Variants in DAB1 observed in about 807,000 individuals in gnomAD.
DAB1 encodes the protein disabled homolog 1.
Under a neutral mutation model 64.6 loss-of-function variants are expected in DAB1, and 15 were observed. The observed-to-expected ratio is 0.23, with a 90% CI of 0.16 to 0.36. The LOEUF (loss-of-function observed/expected upper bound fraction) is 0.36. DAB1 is among the 10% of genes least tolerant of loss of function. The pLI is 1.00. For missense variants in DAB1, 596 were observed against 706.7 expected (o/e 0.84, Z 1.78); for synonymous variants, 235 against 251.9 (o/e 0.93, Z 0.64).
At chr1:58,267,578 T>C (rs895347693) in intron 4 of DAB1, among the ~76,000 whole-genome samples, 2 of 152,010 alleles carry the variant, frequency 1.3e-5, no homozygotes, top group Admixed American at 6.6e-5. Flanking sequence ...GATAGAGGAG[T>C]CAGAACTAGG....
chr1:57,953,117 T>C (rs1313266665), intron 5 of DAB1, among the ~76,000 whole-genome samples: 1 of 152,220 alleles, frequency 6.6e-6, no homozygotes, highest in African/African-American at 2.4e-5. Context: ...ATTTCTATTT[T>C]TGTCTTTGCA....
intron 5 of DAB1, among the ~76,000 whole-genome samples, chr1:58,103,969 A>G (rs1175072171): frequency 1.3e-5 from 2 of 152,150 alleles, no homozygotes; most frequent in Non-Finnish European, 2.9e-5. Context: ...CCCTCCTCAC[A>G]TCCCAGGTCA....
intron 1 of DAB1, among the ~76,000 whole-genome samples, chr1:57,406,558 C>A (rs1026611960): frequency 1.3e-5 from 2 of 152,180 alleles, no homozygotes; most frequent in African/African-American, 4.8e-5. Flanking sequence ...TCACATAAAT[C>A]ATTACTCCTT....
Position 58,162,922 on chromosome 1 carries a change from T to A in DAB1, n.310-12334A>T, listed in dbSNP as rs1401486245. Among the ~76,000 whole-genome samples, 3 of 152,172 alleles carry A rather than the reference T, an allele frequency of 2.0e-5. No individual in the cohort carries two copies. In the East Asian group the frequency reaches 5.8e-4, roughly 29 times the overall value. On this transcript the variant is annotated intron_variant and non_coding_transcript_variant, in intron 4 of 20. Transcript: ENST00000485760. Reference sequence around the variant, plus strand: ...GCCCTCCAGGGAACATTTGGCAATGTCTGAAGACAGTCTTAATTGTCACAA... The same window carrying A: ...GCCCTCCAGGGAACATTTGGCAATGACTGAAGACAGTCTTAATTGTCACAA...
At chr1:57,680,092 T>C (rs78310794) in intron 6 of DAB1, among the ~76,000 whole-genome samples, 1 of 152,324 alleles carries the variant, frequency 6.6e-6, no homozygotes, top group African/African-American at 2.4e-5. Flanking sequence ...GCAATTACGG[T>C]CTTACAGTTT....
At chr1:58,056,587 C>T in intron 5 of DAB1, 1 of 706,914 alleles carries the variant, frequency 1.4e-6, no homozygotes, top group South Asian at 1.5e-5. Context: ...CAGGCTCTGC[C>T]TTCTCATCAA....
At chr1:57,956,051 T>C (rs1645385239) in intron 5 of DAB1, among the ~76,000 whole-genome samples, 1 of 152,146 alleles carries the variant, frequency 6.6e-6, no homozygotes, top group Non-Finnish European at 1.5e-5. Context: ...TCTTGCTCAG[T>C]TGAGCAGTAT....
At chr1:57,665,093 G>T (rs1053591060) in intron 6 of DAB1, among the ~76,000 whole-genome samples, 6 of 151,840 alleles carry the variant, frequency 4.0e-5, no homozygotes, top group South Asian at 2.1e-4. Context: ...TTCTGAAAAA[G>T]CATATTTGTA....
At chr1:58,223,443 C>G (rs1176902782) in intron 4 of DAB1, among the ~76,000 whole-genome samples, 1 of 152,176 alleles carries the variant, frequency 6.6e-6, no homozygotes, top group Non-Finnish European at 1.5e-5. Flanking sequence ...GGCTAAGCAA[C>G]AAATTCTTCC....
At chr1:57,522,291 TCTCTCACC>T (rs1297234030) in intron 7 of DAB1, among the ~76,000 whole-genome samples, 1 of 152,086 alleles carries the variant, frequency 6.6e-6, no homozygotes, top group Non-Finnish European at 1.5e-5. Flanking sequence ...TGACCAGTAC[TCTCTCACC>T]CTTTAGGAGA....
chr1:58,381,174 A>G (rs1283525063), intron 3 of DAB1, among the ~76,000 whole-genome samples: 4 of 152,226 alleles, frequency 2.6e-5, no homozygotes, highest in Admixed American at 6.5e-5. Flanking sequence ...GAGAGCTTCA[A>G]GAAGAATAGC....
chr1:58,139,069 C>T (rs552731832), intron 5 of DAB1, among the ~76,000 whole-genome samples: 2 of 152,236 alleles, frequency 1.3e-5, no homozygotes, highest in South Asian at 2.1e-4. Flanking sequence ...TTCATGAGAT[C>T]TCAGCCAGTA....
At chr1:57,664,369 AT>A (rs1274705221) in intron 6 of DAB1, among the ~76,000 whole-genome samples, 1 of 152,184 alleles carries the variant, frequency 6.6e-6, no homozygotes, top group African/African-American at 2.4e-5. Flanking sequence ...AAATTGTGAG[AT>A]ATCTGCTCTG....
intron 6 of DAB1, among the ~76,000 whole-genome samples, chr1:57,798,209 A>C (rs1650959993): frequency 6.6e-6 from 1 of 152,176 alleles, no homozygotes. Context: ...ACTCTGAAAA[A>C]AGAGTGGAAG....
intron 4 of DAB1, among the ~76,000 whole-genome samples, chr1:58,284,733 A>G (rs1661643754): frequency 6.6e-6 from 1 of 152,250 alleles, no homozygotes. Context: ...ACAAAGGGAT[A>G]AACTGAGGCT....
At chr1:57,346,444 G>A (rs997032872) in intron 1 of DAB1, among the ~76,000 whole-genome samples, 2 of 152,122 alleles carry the variant, frequency 1.3e-5, no homozygotes, top group African/African-American at 4.8e-5. Context: ...ACAATTCTCA[G>A]GAGACCTTCC....
intron 2 of DAB1, among the ~76,000 whole-genome samples, chr1:57,201,390 T>C (rs1665084503): frequency 6.6e-6 from 1 of 151,740 alleles, no homozygotes; most frequent in Admixed American, 6.6e-5. Flanking sequence ...AGGACACACT[T>C]CTTCAGGACC....
At chr1:58,101,042 C>T (rs536998844) in intron 5 of DAB1, among the ~76,000 whole-genome samples, 101 of 152,292 alleles carry the variant, frequency 6.6e-4, no homozygotes, top group African/African-American at 2.4e-3. Flanking sequence ...CACAGCCGGG[C>T]GCGGTGGCTC....
Position 58,403,220 on chromosome 1 carries a change from G to A in DAB1, n.258-59817C>T, listed in dbSNP as rs557666563. ...TGGTCACTTGTTTCTTATGAATTCT[G>A]TACATATCCTCAGGATCCCTAAGGA... On this transcript the variant is annotated intron_variant and non_coding_transcript_variant, in intron 3 of 20. Transcript: ENST00000485760. Among the ~76,000 whole-genome samples, 7 of 151,198 alleles carry A rather than the reference G, an allele frequency of 4.6e-5. No homozygotes were observed. The East Asian group carries it at 1.4e-3, about 29-fold the overall frequency.
Sources: allele counts gnomAD v4.1 joint callset (sites outside exome capture counted in the v4.1 genomes callset), GRCh38; gene constraint gnomAD v4.1.1; transcripts MANE v1.5; gene names NCBI Gene and HGNC (gene_info 2026-07-23, HGNC 2026-07-21).